CTNNB1: variants seen among roughly 807,000 people sequenced by gnomAD.
The protein encoded by CTNNB1 is catenin beta 1.
A neutral mutation model predicts 82.5 loss-of-function variants in CTNNB1; 6 were observed. That is an observed-to-expected ratio of 0.07 (90% CI 0.04 to 0.14). The LOEUF is 0.14. Among genes scored for constraint, CTNNB1 ranks in the 10% least tolerant of loss-of-function variants. The pLI is 1.00. For missense variants in CTNNB1, 529 were observed against 980.4 expected, an observed-to-expected ratio of 0.54 and a Z score of 6.15; for synonymous variants, 312 against 329.7, an observed-to-expected ratio of 0.95 and a Z score of 0.58.
chr3:41,210,263 G>A (rs1168761608), intron 1 of CTNNB1, among the ~76,000 whole-genome samples: 2 of 152,106 alleles, frequency 1.3e-5, no homozygotes, highest in Non-Finnish European at 2.9e-5. Context: ...GACCATCCTG[G>A]CTAACATGGT....
chr3:41,233,167 A>T, intron 7 of CTNNB1, 174 bp from the exon 8 acceptor site: 1 of 672,034 alleles, frequency 1.5e-6, no homozygotes, highest in Non-Finnish European at 2.6e-6. Context: ...TGAACTGGCA[A>T]AGTGAAGGAA....
chr3:41,219,706 T>A (rs1010849682), intron 1 of CTNNB1, among the ~76,000 whole-genome samples: 1 of 152,222 alleles, frequency 6.6e-6, no homozygotes, highest in African/African-American at 2.4e-5. Context: ...GTGAAAATTA[T>A]CTCAGTTTAT....
intron 14 of CTNNB1, chr3:41,238,384 C>T (rs567907213): frequency 9.2e-6 from 3 of 324,826 alleles, no homozygotes; most frequent in African/African-American, 4.3e-5. Context: ...ACTCATAATA[C>T]CTTTGTCTAC....
At chr3:41,199,937 A>G (rs1349254370) in intron 1 of CTNNB1, 4 of 115,798 alleles carry the variant, frequency 3.5e-5, no homozygotes, top group African/African-American at 9.8e-5. Context: ...GGGGGCGCGT[A>G]CAGGAGCCCG....
In CTNNB1 at chr3:41,240,118, A is replaced by C. The variant is rs1393368253; in HGVS notation, c.*776A>C. The stretch of plus-strand genomic sequence containing the variant: ...GTAATGGTGTAGAACACTAATTCAT[A>C]ATCACTCTAATTAATTGTAATCTGA... On this transcript the variant is annotated 3_prime_UTR_variant, in exon 15 of 15. Coordinates refer to ENST00000349496, the MANE Select transcript of CTNNB1 (RefSeq NM_001904.4). 1.0e-5 allele frequency: 2 copies of C among 193,382 alleles called. No individual in the cohort carries two copies. The highest frequency in any genetic ancestry group is 4.9e-5 in the African/African-American group (2 of 41,134). 12.0% of individuals were successfully genotyped at this position (193,382 alleles called of 1,614,324 possible). A position where few individuals can be genotyped will look rare whatever the true frequency, so the allele number is the denominator to read the frequency against.
intron 1 of CTNNB1, among the ~76,000 whole-genome samples, chr3:41,204,214 C>G (rs2077596191): frequency 6.6e-6 from 1 of 151,570 alleles, no homozygotes; most frequent in South Asian, 2.1e-4. Context: ...CAAGTTGGTG[C>G]TTAGTATTTA....
chr3:41,206,637 C>G (rs2125588612), intron 1 of CTNNB1, among the ~76,000 whole-genome samples: 1 of 152,078 alleles, frequency 6.6e-6, no homozygotes, highest in East Asian at 1.9e-4. Context: ...TGTACTCCCT[C>G]TCTCTCTTTT....
At chr3:41,213,828 C>T (rs2077853255) in intron 1 of CTNNB1, among the ~76,000 whole-genome samples, 1 of 152,226 alleles carries the variant, frequency 6.6e-6, no homozygotes, top group Middle Eastern at 3.4e-3. Flanking sequence ...ATTGAAATAA[C>T]GAAAAGCAGT....
At chr3:41,235,655 GTC>G (rs1575332754) in intron 10 of CTNNB1, 67 bp from the exon 11 acceptor site, 2 of 1,595,652 alleles carry the variant, frequency 1.3e-6, no homozygotes, top group East Asian at 4.5e-5. Context: ...AATAATTACA[GTC>G]TAATAATTGT....
At chr3:41,232,900 T>C (rs2078343505) in intron 7 of CTNNB1, among the ~76,000 whole-genome samples, 1 of 152,174 alleles carries the variant, frequency 6.6e-6, no homozygotes, top group Non-Finnish European at 1.5e-5. Context: ...TGTATGGTTT[T>C]AGTTTATTGT....
intron 1 of CTNNB1, among the ~76,000 whole-genome samples, chr3:41,208,374 C>G (rs2077698023): frequency 6.6e-6 from 1 of 152,184 alleles, no homozygotes; most frequent in East Asian, 1.9e-4. Context: ...CTCCAGTGAT[C>G]TTATTTTCTA....
chr3:41,240,075 C>CTAA lies in CTNNB1; in HGVS notation c.*735_*737dup, dbSNP rs1559480648. 1.4e-5 allele frequency: 2 copies of CTAA among 139,324 alleles called. No individual in the cohort carries two copies. Among genetic ancestry groups the CTAA allele is most frequent in the African/African-American group, 6.3e-5 (2 of 31,780 alleles). The allele number at this position is 139,324 out of a possible 1,614,324, so 8.6% of individuals were successfully genotyped here. A position where few individuals can be genotyped will look rare whatever the true frequency, so the allele number is the denominator to read the frequency against. On this transcript the variant is annotated 3_prime_UTR_variant, in exon 15 of 15. Transcript: ENST00000349496. ...ATAGTGAATACTGCTACAGCAATTT[C>CTAA]TAATTTTTAAGAATTGAGTAATGGT...
At position 41,237,951 on chromosome 3, in the gene CTNNB1, TAG is replaced by T. The variant is rs1195562077; in HGVS notation, c.2077-64_2077-63del. ...TCTGAAAGTATGCTTTAAAAAAAAT[TAG>T]TGTACTTTTGAGAATTTTCATTTTG... is the stretch of plus-strand genomic sequence containing the variant. On this transcript the variant is annotated intron_variant, in intron 13 of 14. Transcript: ENST00000349496. 30 of 1,354,780 alleles carry T rather than the reference TAG, an allele frequency of 2.2e-5. 1 individual carries two copies. The South Asian group carries it at 3.4e-4, about 15-fold the overall frequency. 83.9% of individuals were successfully genotyped at this position (1,354,780 alleles called of 1,614,324 possible).
chr3:41,207,652 C>G lies in CTNNB1; in HGVS notation c.-49+7982C>G, dbSNP rs1333013424. ...GCTCTTCTGTTTTAACTCTTATCCC[C>G]CAGACTCTAATCCTGTTGCTTTTTT... is the stretch of plus-strand genomic sequence containing the variant. On this transcript the variant is annotated intron_variant, in intron 1 of 14. Coordinates refer to ENST00000349496, the MANE Select transcript of CTNNB1 (RefSeq NM_001904.4). Among the ~76,000 whole-genome samples the G allele has an allele frequency of 2.0e-5, 3 of 152,186 alleles. No homozygotes were observed. In the South Asian group the frequency reaches 6.2e-4, roughly 31 times the overall value.
chr3:41,204,859 C>G (rs1479793381), intron 1 of CTNNB1, among the ~76,000 whole-genome samples: 1 of 152,184 alleles, frequency 6.6e-6, no homozygotes, highest in South Asian at 2.1e-4. Flanking sequence ...CATAATTTAG[C>G]AGATAACATT....
chr3:41,208,555 A>T (rs1332088662), intron 1 of CTNNB1, among the ~76,000 whole-genome samples: 1 of 152,206 alleles, frequency 6.6e-6, no homozygotes, highest in South Asian at 2.1e-4. Flanking sequence ...CAGTTTATCT[A>T]TCCAAGCTTT....
At chr3:41,203,229 A>G (rs1184565976) in intron 1 of CTNNB1, among the ~76,000 whole-genome samples, 2 of 151,748 alleles carry the variant, frequency 1.3e-5, no homozygotes, top group African/African-American at 2.4e-5. Context: ...TTTTAATTCC[A>G]AACAAGTTTA....
rs2078546669 is a variant in CTNNB1 at position 41,240,127 on chromosome 3, AATT to A, written c.*787_*789del. 1 of 203,928 alleles carries A rather than the reference AATT, an allele frequency of 4.9e-6. No homozygotes were observed. Among genetic ancestry groups the A allele is most frequent in the African/African-American group, 2.5e-5 (1 of 40,416 alleles). 12.6% of individuals were successfully genotyped at this position (203,928 alleles called of 1,614,324 possible). The stretch of plus-strand genomic sequence containing the variant: ...TAGAACACTAATTCATAATCACTCT[AATT>A]AATTGTAATCTGAATAAAGTGTAAC... On this transcript the variant is annotated 3_prime_UTR_variant, in exon 15 of 15. Transcript: ENST00000349496.
At chr3:41,220,026 C>A (rs2078004819) in intron 1 of CTNNB1, among the ~76,000 whole-genome samples, 1 of 151,808 alleles carries the variant, frequency 6.6e-6, no homozygotes, top group African/African-American at 2.4e-5. Flanking sequence ...ACCAAACATA[C>A]CAAAATGTCA....
Sources: gnomAD v4.1 joint callset for allele counts (sites outside exome capture counted in the v4.1 genomes callset) on GRCh38, gnomAD v4.1.1 for gene constraint, MANE v1.5 for transcripts, NCBI Gene and HGNC (gene_info 2026-07-23, HGNC 2026-07-21) for gene names.